The following PPP2R2B variants were observed in gnomAD, a reference collection of about 807,000 sequenced individuals.
The protein encoded by PPP2R2B is serine/threonine-protein phosphatase 2A 55 kDa regulatory subunit B beta isoform.
Under a neutral mutation model 46.0 loss-of-function variants are expected in PPP2R2B, and 5 were observed. That is an observed-to-expected ratio of 0.11 (90% CI 0.06 to 0.23). PPP2R2B has a LOEUF of 0.23. Among genes scored for constraint, PPP2R2B ranks in the 10% least tolerant of loss-of-function variants. The pLI is 1.00. For synonymous variants in PPP2R2B, 215 were observed against 206.7 expected, an observed-to-expected ratio of 1.04 and a Z score of -0.34; for missense variants, 367 against 575.0, an observed-to-expected ratio of 0.64 and a Z score of 3.70.
intron 7 of PPP2R2B, among the ~76,000 whole-genome samples, chr5:146,625,147 C>CAAACACCAA (rs1773963088): frequency 6.6e-6 from 1 of 152,194 alleles, no homozygotes; most frequent in African/African-American, 2.4e-5. Flanking sequence ...ACTTTGCCTG[C>CAAACACCAA]AAACACCAAA....
In PPP2R2B at chr5:146,701,112, T is replaced by C; in HGVS notation, c.101A>G (p.His34Arg). The change falls in exon 3 of 10, where the codon CAC becomes CGC. Residue 34 changes from histidine (H) to arginine (R), a missense_variant. This residue lies in a region of PPP2R2B where 361 missense variants were observed against 545.5 expected (regional missense o/e 0.66). Transcript: ENST00000394411. ...CCCTGTCGCTAGTAATTCTCCCGTG[T>C]GGTTGAATTCTACCGTAGAGATAAT... Reference protein sequence around the residue: ...ADIISTVEFNHTGELLATGDK... With the variant: ...ADIISTVEFNRTGELLATGDK... 2.5e-6 allele frequency: 4 copies of C among 1,613,996 alleles called. No homozygotes were observed. The highest frequency in any genetic ancestry group is 3.4e-6 in the Non-Finnish European group (4 of 1,179,844).
intron 1 of PPP2R2B, among the ~76,000 whole-genome samples, chr5:146,976,906 C>T (rs1752937212): frequency 6.6e-6 from 1 of 152,146 alleles, no homozygotes; most frequent in African/African-American, 2.4e-5. Context: ...AACTAACAAG[C>T]ATAGAGATTA....
rs143812429 is a variant in PPP2R2B at position 146,938,840 on chromosome 5, G to C, written c.79+116825C>G. ...GTGATGGAGTGCATGGAGTGCAGTG[G>C]TGTGATCTCAGCTCACTGCAACCTC... is the stretch of plus-strand genomic sequence containing the variant. On this transcript the variant is annotated intron_variant, in intron 1 of 8. Transcript: ENST00000336640. Among the ~76,000 whole-genome samples, 431 of 141,246 alleles carry C rather than the reference G, an allele frequency of 3.1e-3. 3 individuals carry two copies. Among genetic ancestry groups the C allele is most frequent in the African/African-American group, 0.011 (419 of 37,788 alleles). The allele number at this position is 141,246 out of a possible 152,430, so 92.7% of individuals were successfully genotyped here. A position where few individuals can be genotyped will look rare whatever the true frequency, so the allele number is the denominator to read the frequency against.
At chr5:146,870,681 G>A (rs141327822) in intron 2 of PPP2R2B, among the ~76,000 whole-genome samples, 3 of 152,246 alleles carry the variant, frequency 2.0e-5, no homozygotes, top group East Asian at 1.9e-4. Flanking sequence ...TCTTCGCCAC[G>A]CTCCGTCCAA....
chr5:147,066,626 T>C (rs1215281561), intron 2 of PPP2R2B, among the ~76,000 whole-genome samples: 1 of 152,186 alleles, frequency 6.6e-6, no homozygotes, highest in Non-Finnish European at 1.5e-5. Flanking sequence ...TAATTTTTCT[T>C]CAATTTTAAG....
rs184359843 is a variant in PPP2R2B at position 146,868,541 on chromosome 5, C to T, written c.70+9461G>A. 2.0e-4 allele frequency among the ~76,000 whole-genome samples: 30 copies of T among 152,260 alleles called. 1 individual carries two copies. Among genetic ancestry groups the T allele is most frequent in the East Asian group, 1.4e-3 (7 of 5,174 alleles). ...ATGCCTTCCCTCCCCCATCTTCAAC[C>T]TCATTATAGTAGCTTAGGAAACTGA... On this transcript the variant is annotated intron_variant, in intron 2 of 9. Coordinates refer to ENST00000394411, the MANE Select transcript of PPP2R2B (RefSeq NM_181675.4).
chr5:146,956,150 CA>C, intron 1 of PPP2R2B, among the ~76,000 whole-genome samples: 1 of 152,102 alleles, frequency 6.6e-6, no homozygotes, highest in East Asian at 1.9e-4. Flanking sequence ...GAAAGCAGAA[CA>C]AAGGTAAAAT....
chr5:146,654,085 C>A (rs1397199644), intron 5 of PPP2R2B, among the ~76,000 whole-genome samples: 1 of 152,190 alleles, frequency 6.6e-6, no homozygotes, highest in Non-Finnish European at 1.5e-5. Flanking sequence ...TTCCCTGAGT[C>A]AGGTCCACAG....
intron 1 of PPP2R2B, among the ~76,000 whole-genome samples, chr5:146,887,600 T>G (rs1417446069): frequency 6.6e-6 from 1 of 152,220 alleles, no homozygotes; most frequent in African/African-American, 2.4e-5. Context: ...AGGATTCTAA[T>G]AGTAAGATGA....
chr5:146,627,820 T>G (rs1168484264), intron 7 of PPP2R2B, among the ~76,000 whole-genome samples: 1 of 152,184 alleles, frequency 6.6e-6, no homozygotes, highest in East Asian at 1.9e-4. Context: ...CCCCCTCTAC[T>G]ACACCCACCT....
At chr5:147,077,500 T>G (rs1205596067) in intron 2 of PPP2R2B, among the ~76,000 whole-genome samples, 1 of 152,128 alleles carries the variant, frequency 6.6e-6, no homozygotes, top group East Asian at 1.9e-4. Context: ...TGAATAATTT[T>G]TATTGACTTT....
chr5:146,990,613 T>G (rs1753654996), intron 1 of PPP2R2B, among the ~76,000 whole-genome samples: 1 of 152,044 alleles, frequency 6.6e-6, no homozygotes, highest in Admixed American at 6.5e-5. Flanking sequence ...TATGAAACTA[T>G]TAGTAGAAAA....
rs1157237822 is a variant in PPP2R2B, at chr5:146,746,555, AAGGAGAAC to A, written c.71-45421_71-45414del. Reference sequence around the variant, plus strand: ...AAAGTATTTATTCTCTAGCCTGCAAAAGGAGAACAGGGCTTCCAGGACGACTCTGTCTG... The same window carrying A: ...AAAGTATTTATTCTCTAGCCTGCAAAAGGGCTTCCAGGACGACTCTGTCTG... On this transcript the variant is annotated intron_variant, in intron 2 of 9. Coordinates refer to ENST00000394411, the MANE Select transcript of PPP2R2B (RefSeq NM_181675.4). Among the ~76,000 whole-genome samples the A allele has an allele frequency of 5.9e-5, 9 of 152,306 alleles. No individual in the cohort carries two copies. The East Asian group carries it at 1.7e-3, about 29-fold the overall frequency.
chr5:146,883,156 C>A (rs994183114), upstream of PPP2R2B, among the ~76,000 whole-genome samples: 1 of 152,216 alleles, frequency 6.6e-6, no homozygotes, highest in African/African-American at 2.4e-5. Context: ...CCAGCTCAGG[C>A]ATTTATAAAT....
intron 1 of PPP2R2B, among the ~76,000 whole-genome samples, chr5:146,938,972 G>C (rs1764242533): frequency 6.6e-6 from 1 of 151,784 alleles, no homozygotes; most frequent in Admixed American, 6.6e-5. Flanking sequence ...GTAGAGACAG[G>C]GTTTCACCAT....
upstream of PPP2R2B, among the ~76,000 whole-genome samples, chr5:146,879,560 C>A (rs1346872733): frequency 6.6e-6 from 1 of 152,110 alleles, no homozygotes; most frequent in Non-Finnish European, 1.5e-5. Context: ...GAGCCCTGTG[C>A]CCACAGAGAG....
intron 2 of PPP2R2B, among the ~76,000 whole-genome samples, chr5:146,852,266 G>C (rs759470634): frequency 9.9e-5 from 15 of 152,208 alleles, no homozygotes; most frequent in Middle Eastern, 3.4e-3. Context: ...CCAGCCTACT[G>C]TCTCCAATGG....
intron 1 of PPP2R2B, among the ~76,000 whole-genome samples, chr5:146,903,939 C>T (rs1762919960): frequency 6.6e-6 from 1 of 152,132 alleles, no homozygotes; most frequent in African/African-American, 2.4e-5. Context: ...ATAGATTCTT[C>T]CCATTTCATG....
intron 1 of PPP2R2B, among the ~76,000 whole-genome samples, chr5:146,988,057 G>C (rs1753512042): frequency 6.6e-6 from 1 of 151,918 alleles, no homozygotes; most frequent in South Asian, 2.1e-4. Flanking sequence ...ATTCAATACA[G>C]CCGGAGGATA....
Sources: allele counts gnomAD v4.1 joint callset (sites outside exome capture counted in the v4.1 genomes callset), GRCh38; gene constraint gnomAD v4.1.1; regional missense constraint gnomAD v4.1.1; transcripts MANE v1.5; gene names NCBI Gene and HGNC (gene_info 2026-07-23, HGNC 2026-07-21).